Variants in MAK observed in about 807,000 individuals in gnomAD.
MAK encodes the protein male germ cell associated kinase.
A neutral mutation model predicts 82.6 loss-of-function variants in MAK; 65 were observed. That is an observed-to-expected ratio of 0.79 (90% confidence interval 0.64 to 0.97). The LOEUF is 0.97. Among genes scored for constraint, MAK ranks in the 50% least tolerant of loss-of-function variants. MAK has a pLI of 0.00. For missense variants in MAK, 703 were observed against 780.2 expected, an observed-to-expected ratio of 0.90 and a Z score of 1.18; for synonymous variants, 250 against 274.2, an observed-to-expected ratio of 0.91 and a Z score of 0.87.
intron 6 of MAK, among the ~76,000 whole-genome samples, chr6:10,806,639 G>C (rs1488302369): frequency 1.3e-5 from 2 of 151,400 alleles, no homozygotes; most frequent in East Asian, 3.9e-4. Flanking sequence ...TTACAGGCGT[G>C]AGCCACTGTG....
At chr6:10,807,365 AAG>A (rs1776565830) in intron 6 of MAK, among the ~76,000 whole-genome samples, 1 of 133,308 alleles carries the variant, frequency 7.5e-6, no homozygotes, top group African/African-American at 2.9e-5. Flanking sequence ...TTTTTTGAGA[AAG>A]AGTCTTGCTC....
intron 4 of MAK, among the ~76,000 whole-genome samples, chr6:10,815,912 G>GTGTGTGTATATATATA (rs1554184483): frequency 7.8e-4 from 85 of 108,298 alleles, no homozygotes; most frequent in Non-Finnish European, 1.2e-3. Context: ...GCTTTATACA[G>GTGTGTGTATATATATA]TATATATATA....
chr6:10,827,788 C>A (rs533377), intron 2 of MAK: 8,526 of 152,580 alleles, frequency 0.056, 264 homozygotes, highest in Admixed American at 0.099. Flanking sequence ...CTCAAGCAAT[C>A]CTCCCACCTC....
intron 2 of MAK, among the ~76,000 whole-genome samples, chr6:10,820,476 G>C (rs1468446625): frequency 6.6e-6 from 1 of 152,112 alleles, no homozygotes; most frequent in Non-Finnish European, 1.5e-5. Context: ...CTAATGACCT[G>C]TCTGTGCCTC....
intron 2 of MAK, chr6:10,829,322 A>T (rs1778605319): frequency 6.6e-6 from 1 of 152,244 alleles, no homozygotes; most frequent in Non-Finnish European, 1.5e-5. Context: ...TATCATTCAG[A>T]ACTCAATTTG....
chr6:10,801,710 T>G (rs535126351), intron 8 of MAK, among the ~76,000 whole-genome samples, 182 bp downstream of exon 8: 2 of 152,342 alleles, frequency 1.3e-5, no homozygotes, highest in South Asian at 4.1e-4. Flanking sequence ...TTTCTGCATT[T>G]CTCCCAATGA....
chr6:10,773,399 A>G (rs1773187332), intron 12 of MAK, among the ~76,000 whole-genome samples: 1 of 152,226 alleles, frequency 6.6e-6, no homozygotes, highest in African/African-American at 2.4e-5. Context: ...GCAGTGTATG[A>G]CACCGCAGCG....
At position 10,776,545 on chromosome 6, in the gene MAK, T is replaced by C. The variant is rs1773471397; in HGVS notation, c.1466-1086A>G. 6.6e-6 allele frequency among the ~76,000 whole-genome samples: 1 copy of C among 152,176 alleles called. No homozygotes were observed. Among genetic ancestry groups the C allele is most frequent in the Non-Finnish European group, 1.5e-5 (1 of 68,044 alleles). The stretch of plus-strand genomic sequence containing the variant: ...TAGTGTAGAAATCATCACTGAGGAC[T>C]CCACTGATTTAGGAAGTCAGAACTG... On this transcript the variant is annotated intron_variant, in intron 11 of 14. Transcript: ENST00000354489. The surrounding 1 kb of genome is among the most constrained non-coding windows in gnomAD (Gnocchi z 4.3).
At chr6:10,817,202 G>A (rs1033222171) in intron 4 of MAK, among the ~76,000 whole-genome samples, 2 of 151,872 alleles carry the variant, frequency 1.3e-5, no homozygotes, top group Admixed American at 1.3e-4. Flanking sequence ...TTATTTCTAA[G>A]TATTTCAGAG....
intron 2 of MAK, 145 bp downstream of exon 2, chr6:10,830,403 A>G: frequency 1.5e-6 from 1 of 671,986 alleles, no homozygotes; most frequent in Non-Finnish European, 2.7e-6. Flanking sequence ...TAACCTCATG[A>G]TCCGCCCGCC....
At chr6:10,784,621 C>CTCGCCCACCCTCTGCACATT (rs1774346223) in intron 10 of MAK, 49 bp from the exon 11 acceptor site, 2 of 1,504,890 alleles carry the variant, frequency 1.3e-6, no homozygotes, top group Non-Finnish European at 1.8e-6. Flanking sequence ...ACGAGAGGAT[C>CTCGCCCACCCTCTGCACATT]TCGCCCACCC....
intron 1 of MAK, among the ~76,000 whole-genome samples, chr6:10,831,651 C>T (rs1778815843): frequency 6.6e-6 from 1 of 151,998 alleles, no homozygotes; most frequent in African/African-American, 2.4e-5. Flanking sequence ...GAGGCTGAGG[C>T]ACGAGGATTG....
chr6:10,828,952 T>C (rs1479282274), intron 2 of MAK: 1 of 152,238 alleles, frequency 6.6e-6, no homozygotes. Context: ...TCCAGAACTG[T>C]GAGGAAATAA....
Position 10,791,746 on chromosome 6 carries a change from G to A in MAK, c.1245C>T (p.Phe415=), listed in dbSNP as rs115185609. ...DSWEELEDYD[F]GASHSKKPSM... is the part of the protein sequence containing the mutation. ...TTGGCTTCTTGGAATGGGAGGCTCC[G>A]AAATCATAGTCCTCCAACTCTTCCC... The change falls in exon 10 of 15, where the codon TTC becomes TTT. Residue 415 remains phenylalanine (F), a synonymous_variant. Transcript: ENST00000354489. 1,364 of 1,613,884 alleles carry A rather than the reference G, an allele frequency of 8.5e-4. 17 individuals carry two copies. In the African/African-American group the frequency reaches 0.015, roughly 18 times the overall value.
intron 6 of MAK, among the ~76,000 whole-genome samples, chr6:10,806,557 CTG>C (rs1776479911): frequency 7.2e-6 from 1 of 139,030 alleles, no homozygotes; most frequent in Admixed American, 7.9e-5. Flanking sequence ...CGGGGTTTCA[CTG>C]TGTTAGCCAA....
intron 2 of MAK, among the ~76,000 whole-genome samples, chr6:10,820,299 C>A (rs531607780): frequency 1.3e-5 from 2 of 152,140 alleles, no homozygotes; most frequent in African/African-American, 2.4e-5. Flanking sequence ...TTATTAATTA[C>A]AATAATCCTT....
rs565283778 is a variant in MAK, at chr6:10,800,732, G to C, written c.831+1160C>G. The stretch of plus-strand genomic sequence containing the variant: ...CTCATGCCTGTAATCTCAGCTACTC[G>C]GGAGGCTGAGGGTGGGAGAATCACT... On this transcript the variant is annotated intron_variant, in intron 8 of 14. Coordinates refer to ENST00000354489, the MANE Select transcript of MAK (RefSeq NM_001242957.3). The surrounding 1 kb of genome is among the most constrained non-coding windows in gnomAD (Gnocchi z 4.2). Among the ~76,000 whole-genome samples, 1 of 151,946 alleles carries C rather than the reference G, an allele frequency of 6.6e-6. No individual in the cohort carries two copies. The highest frequency in any genetic ancestry group is 2.4e-5 in the African/African-American group (1 of 41,348).
At chr6:10,807,023 C>T (rs2127562344) in intron 6 of MAK, among the ~76,000 whole-genome samples, 1 of 152,280 alleles carries the variant, frequency 6.6e-6, no homozygotes, top group East Asian at 1.9e-4. Context: ...CCACATTTCT[C>T]ACTACCTGCA....
chr6:10,769,802 G>C (rs774599362), intron 14 of MAK, among the ~76,000 whole-genome samples: 3 of 152,154 alleles, frequency 2.0e-5, no homozygotes, highest in Non-Finnish European at 4.4e-5. Context: ...TTCATCATCT[G>C]TAAAGAAGAG....
Sources: allele counts gnomAD v4.1 joint callset (sites outside exome capture counted in the v4.1 genomes callset), GRCh38; gene constraint gnomAD v4.1.1; non-coding constraint Gnocchi (gnomAD v3.1); transcripts MANE v1.5; gene names NCBI Gene and HGNC (gene_info 2026-07-23, HGNC 2026-07-21).